Variants in BOD1L1 observed in about 807,000 individuals in gnomAD.
The protein encoded by BOD1L1 is biorientation of chromosomes in cell division protein 1-like 1.
A neutral mutation model predicts 240.7 loss-of-function variants in BOD1L1; 86 were observed. The observed-to-expected ratio is 0.36, with a 90% CI of 0.30 to 0.43. BOD1L1 has a LOEUF of 0.43. BOD1L1 is among the 20% of genes least tolerant of loss of function. The pLI, the probability that BOD1L1 is intolerant of heterozygous loss-of-function variation, is 1.00. For missense variants in BOD1L1, 3,554 were observed against 3,643.5 expected, an observed-to-expected ratio of 0.98 and a Z score of 0.63; for synonymous variants, 1,268 against 1,272.3, an observed-to-expected ratio of 1.00 and a Z score of 0.07.
chr4:13,623,858 G>T (rs564720587), intron 1 of BOD1L1: 1 of 152,232 alleles, frequency 6.6e-6, no homozygotes, highest in African/African-American at 2.4e-5. Flanking sequence ...ACAGAAAGCA[G>T]GTCAGTCTTT....
intron 25 of BOD1L1, among the ~76,000 whole-genome samples, chr4:13,571,076 G>C (rs1384195218): frequency 6.6e-6 from 1 of 152,180 alleles, no homozygotes; most frequent in Non-Finnish European, 1.5e-5. Context: ...ACAGCAGCAG[G>C]AATGTGAGCA....
In BOD1L1 at chr4:13,597,582, A is replaced by G. The variant is rs117474203; in HGVS notation, c.7955-414T>C. ...TTACTTGCTTCACACTGAACACAGAAAAATTGAACACAAAGTTAAACTGTG... is the reference window on the plus strand; with the variant it reads ...TTACTTGCTTCACACTGAACACAGAGAAATTGAACACAAAGTTAAACTGTG... On this transcript the variant is annotated intron_variant, in intron 10 of 25. Transcript: ENST00000040738. Among the ~76,000 whole-genome samples the G allele has an allele frequency of 3.9e-4, 59 of 152,352 alleles. No individual in the cohort carries two copies. The East Asian group carries it at 0.011, about 27-fold the overall frequency.
rs569208734 is a variant in BOD1L1, at chr4:13,607,253, A to C, written c.1743-64T>G. ...TACGAAAATTTTTCAGGAAGGTTGA[A>C]AACAATAAAAATCTTTCCTTTACTA... On this transcript the variant is annotated intron_variant, in intron 8 of 25. Coordinates refer to ENST00000040738, the MANE Select transcript of BOD1L1 (RefSeq NM_148894.3). 4.4e-4 allele frequency: 378 copies of C among 867,012 alleles called. 3 individuals are homozygous for C. In the South Asian group the frequency reaches 9.6e-3, roughly 22 times the overall value. The allele number at this position is 867,012 out of a possible 1,614,324, so 53.7% of individuals were successfully genotyped here.
In BOD1L1 at chr4:13,581,211, A is replaced by G; in HGVS notation, c.8593-4T>C. The G allele has an allele frequency of 6.5e-7, 1 of 1,540,672 alleles. No homozygotes were observed. The highest frequency in any genetic ancestry group is 8.7e-7 in the Non-Finnish European group (1 of 1,144,070). On this transcript the variant is annotated splice_polypyrimidine_tract_variant and splice_region_variant and intron_variant, in intron 19 of 25. Coordinates refer to ENST00000040738, the MANE Select transcript of BOD1L1 (RefSeq NM_148894.3). ...TAATAATTATTGGCTGATCTTCCTA[A>G]GGGGGAAATAAAAAACAACAACAGC...
chr4:13,610,425 C>A (rs1045575694), intron 6 of BOD1L1, among the ~76,000 whole-genome samples: 3 of 152,180 alleles, frequency 2.0e-5, no homozygotes, highest in Non-Finnish European at 4.4e-5. Flanking sequence ...TTGAGCATCC[C>A]TCATCTGAAA....
rs201198217 is a variant in BOD1L1, at chr4:13,604,109, C to T, written c.2791G>A (p.Gly931Ser). ...GGAGTGGTTGCCTGTTTTGTGGCAC[C>T]TTCTTGTAATTCTGTTTCTACAACT... is the stretch of plus-strand genomic sequence containing the variant. The part of the protein sequence containing the change: ...VKVVETELQE[G>S]ATKQATTPKP... The change falls in exon 10 of 26, where the codon GGT (glycine) becomes AGT (serine). Residue 931 changes from glycine to serine, a missense_variant. Physicochemically the swap from Gly to Ser is moderately conservative, Grantham distance 56 (BLOSUM62 0). Transcript: ENST00000040738. 7.4e-5 allele frequency: 119 copies of T among 1,613,446 alleles called. No individual in the cohort carries two copies. Among genetic ancestry groups the T allele is most frequent in the Middle Eastern group, 1.6e-4 (1 of 6,084 alleles).
intron 6 of BOD1L1, among the ~76,000 whole-genome samples, chr4:13,610,206 G>C (rs902934459): frequency 2.6e-4 from 39 of 152,226 alleles, no homozygotes; most frequent in Middle Eastern, 3.4e-3. Context: ...CAATAAGGTA[G>C]TAATTTTCTT....
intron 2 of BOD1L1, among the ~76,000 whole-genome samples, chr4:13,618,468 G>A (rs908075505): frequency 1.3e-5 from 2 of 152,308 alleles, no homozygotes; most frequent in East Asian, 1.9e-4. Flanking sequence ...TACAGGCAGC[G>A]GGCCTGTCAC....
intron 16 of BOD1L1, among the ~76,000 whole-genome samples, 182 bp from the exon 17 acceptor site, chr4:13,586,657 G>A (rs1383195202): frequency 1.3e-5 from 2 of 152,072 alleles, no homozygotes; most frequent in Admixed American, 1.3e-4. Flanking sequence ...TTTCGCCCTG[G>A]CAAAGTAAAA....
chr4:13,604,249 T>C lies in BOD1L1; in HGVS notation c.2651A>G (p.Asp884Gly). The stretch of plus-strand genomic sequence containing the variant: ...AACCTCTTCTGGTTTCAAATTACTA[T>C]CCATGTTAGTGGAGTCCATATCACA... Reference protein sequence around the residue: ...DKCDMDSTNMDSNLKPEEVVH... With the variant: ...DKCDMDSTNMGSNLKPEEVVH... Residue 884 changes from aspartate to glycine, a missense_variant, in exon 10 of 26, where the codon GAT becomes GGT. Asp to Gly is a moderately conservative substitution (Grantham distance 94). Coordinates refer to ENST00000040738, the MANE Select transcript of BOD1L1 (RefSeq NM_148894.3). 2 of 1,613,642 alleles carry C rather than the reference T, an allele frequency of 1.2e-6. No individual in the cohort carries two copies. The highest frequency in any genetic ancestry group is 1.7e-6 in the Non-Finnish European group (2 of 1,179,810).
chr4:13,590,919 C>A (rs1307337351), intron 13 of BOD1L1, among the ~76,000 whole-genome samples: 1 of 152,028 alleles, frequency 6.6e-6, no homozygotes, highest in Non-Finnish European at 1.5e-5. Flanking sequence ...GACTTTTGCA[C>A]AAATTTGGAA....
In BOD1L1 at chr4:13,611,084, T is replaced by C; in HGVS notation, c.1341A>G (p.Lys447=). 6.2e-7 allele frequency: 1 copy of C among 1,603,460 alleles called. No individual in the cohort carries two copies. The highest frequency in any genetic ancestry group is 8.5e-7 in the Non-Finnish European group (1 of 1,173,506). The change falls in exon 6 of 26, where the codon AAA becomes AAG. Residue 447 remains lysine (K), a synonymous_variant. Transcript: ENST00000040738. ...TAGTTTGAGTTTTTGTTTTATTCTG[T>C]TTGTTCTTCTCTTCATCTGTAAGAA... ...EITSDDEEKN[K]QNKTKTQTSD...
chr4:13,571,695 C>T (rs1055120010), intron 25 of BOD1L1, among the ~76,000 whole-genome samples: 2 of 152,186 alleles, frequency 1.3e-5, no homozygotes, highest in African/African-American at 2.4e-5. Flanking sequence ...AATGCCAACT[C>T]TCAGGCCCCA....
rs1403991887 is a variant in BOD1L1 at position 13,605,406 on chromosome 4, T to C, written c.1816-322A>G. On this transcript the variant is annotated intron_variant, in intron 9 of 25. Coordinates refer to ENST00000040738, the MANE Select transcript of BOD1L1 (RefSeq NM_148894.3). ...CATAGAGATTTATCACAAAATAAAG[T>C]TAAATACTTAAAAATATGCCATTAA... Among the ~76,000 whole-genome samples the C allele has an allele frequency of 2.0e-5, 3 of 152,164 alleles. No individual in the cohort carries two copies. In the East Asian group the frequency reaches 5.8e-4, roughly 29 times the overall value.
chr4:13,609,141 G>A (rs193296170), intron 7 of BOD1L1, among the ~76,000 whole-genome samples, 154 bp downstream of exon 7: 6 of 152,162 alleles, frequency 3.9e-5, no homozygotes, highest in East Asian at 3.9e-4. Flanking sequence ...AAAGAAAAAT[G>A]ATGAAACACA....
At chr4:13,623,010 G>A (rs891152276) in intron 1 of BOD1L1, among the ~76,000 whole-genome samples, 1 of 152,096 alleles carries the variant, frequency 6.6e-6, no homozygotes, top group Non-Finnish European at 1.5e-5. Context: ...CTCTCTTCTT[G>A]GAATGCTCAA....
In BOD1L1 at chr4:13,604,411, C is replaced by T. The variant is rs142797611; in HGVS notation, c.2489G>A (p.Arg830His). Residue 830 changes from arginine (R) to histidine (H), a missense_variant, in exon 10 of 26, where the codon CGC (arginine) becomes CAC (histidine). Coordinates refer to ENST00000040738, the MANE Select transcript of BOD1L1 (RefSeq NM_148894.3). The stretch of plus-strand genomic sequence containing the variant: ...TGCCTTAGTTTTTTCAGCTGACAAG[C>T]GTCTCTCTTTTTTGTTGTTTTCTTT... ...VRKENNKKER[R>H]LSAEKTKAEH... 282 of 1,574,036 alleles carry T rather than the reference C, an allele frequency of 1.8e-4. No homozygotes were observed. The highest frequency in any genetic ancestry group is 2.2e-4 in the Non-Finnish European group (260 of 1,169,726).
At position 13,576,959 on chromosome 4, in the gene BOD1L1, A is replaced by T. The variant is rs745645122; in HGVS notation, c.8917T>A (p.Ser2973Thr). 22 of 1,613,866 alleles carry T rather than the reference A, an allele frequency of 1.4e-5. No homozygotes were observed. Among genetic ancestry groups the T allele is most frequent in the Admixed American group, 1.7e-5 (1 of 60,010 alleles). The stretch of plus-strand genomic sequence containing the variant: ...TTGTCCTCCACTGGATCAGAAACTG[A>T]TTTCTGGCGTTTTCTTTCTGGCTCT... Reference protein sequence around the residue: ...SSEPERKRQKSVSDPVEDKKE... With the variant: ...SSEPERKRQKTVSDPVEDKKE... The change falls in exon 25 of 26, where the codon TCA (serine) becomes ACA (threonine). Residue 2973 changes from serine (S) to threonine (T), a missense_variant. Ser to Thr is a moderately conservative substitution (Grantham distance 58, BLOSUM62 1). Around this residue, in one of 2 missense-constraint regions of BOD1L1, gnomAD observed 3,393 missense variants for 3,427.1 expected, o/e 0.99. Coordinates refer to ENST00000040738, the MANE Select transcript of BOD1L1 (RefSeq NM_148894.3).
At position 13,613,110 on chromosome 4, in the gene BOD1L1, C is replaced by T. The variant is rs1211884822; in HGVS notation, c.1324+402G>A. ...ACCACCTTTCGGTAAGTTCTATGAGCCCTTTTAGCAAATTATCAAATCTAA... is the reference window on the plus strand; with the variant it reads ...ACCACCTTTCGGTAAGTTCTATGAGTCCTTTTAGCAAATTATCAAATCTAA... On this transcript the variant is annotated intron_variant, in intron 5 of 25. Transcript: ENST00000040738. The surrounding 1 kb of genome is among the most constrained non-coding windows in gnomAD (Gnocchi z 4.0). Among the ~76,000 whole-genome samples the T allele has an allele frequency of 2.0e-5, 3 of 152,100 alleles. No homozygotes were observed. The highest frequency in any genetic ancestry group is 4.4e-5 in the Non-Finnish European group (3 of 68,030).
Sources: gnomAD v4.1 joint callset for allele counts (sites outside exome capture counted in the v4.1 genomes callset) on GRCh38, gnomAD v4.1.1 for gene constraint, gnomAD v4.1.1 regional missense constraint, Gnocchi (gnomAD v3.1) non-coding constraint, MANE v1.5 for transcripts, NCBI Gene and HGNC (gene_info 2026-07-23, HGNC 2026-07-21) for gene names.